Variants in PPME1 observed in about 807,000 individuals in gnomAD.
PPME1 encodes protein phosphatase methylesterase 1.
In PPME1, 17 loss-of-function variants were observed where a neutral mutation model predicts 56.9. The ratio of observed to expected loss-of-function variants is 0.30; its 90% CI spans 0.20 to 0.45. The LOEUF is 0.45. PPME1 is among the 20% of genes least tolerant of loss of function. PPME1 has a pLI of 1.00. For synonymous variants in PPME1, 122 were observed against 156.2 expected (o/e 0.78, Z 1.63); for missense variants, 357 against 483.2 (o/e 0.74, Z 2.45).
At position 74,240,129 on chromosome 11, in the gene PPME1, T is replaced by C. The variant is rs200509353; in HGVS notation, c.834+873T>C. Among the ~76,000 whole-genome samples the C allele has an allele frequency of 2.0e-5, 3 of 152,234 alleles. No individual in the cohort carries two copies. In the East Asian group the frequency reaches 5.8e-4, roughly 29 times the overall value. ...GGGGAAGCTTTCTGACCTCAATTAG[T>C]ATCACTGTCTTTCCAACACAGCACT... On this transcript the variant is annotated intron_variant, in intron 9 of 13. Coordinates refer to ENST00000328257, the MANE Select transcript of PPME1 (RefSeq NM_016147.3).
chr11:74,203,087 T>TATTAG (rs1015649153), intron 1 of PPME1, among the ~76,000 whole-genome samples: 1 of 152,226 alleles, frequency 6.6e-6, no homozygotes, highest in Non-Finnish European at 1.5e-5. Context: ...TATTGATGGA[T>TATTAG]ATTAGATTTT....
At position 74,171,417 on chromosome 11, in the gene PPME1, C is replaced by T; in HGVS notation, c.-5C>T. The T allele has an allele frequency of 6.2e-7, 1 of 1,609,716 alleles. No individual in the cohort carries two copies. The stretch of plus-strand genomic sequence containing the variant: ...GTTTGACTACGTGCGTGCAGCCTCC[C>T]CTCGATGTCGGCCCTCGAAAAGAGC... On this transcript the variant is annotated 5_prime_UTR_variant, in exon 1 of 14. Transcript: ENST00000328257.
rs1457981867 is a variant in PPME1 at position 74,200,420 on chromosome 11, C to CA, written c.102-3307dup. ...GTGTGTGGACGAAGTCTCGCTCTGT[C>CA]ACCCAGGCTGGAGGGCAGTGGCACG... On this transcript the variant is annotated intron_variant, in intron 1 of 13. Coordinates refer to ENST00000328257, the MANE Select transcript of PPME1 (RefSeq NM_016147.3). Among the ~76,000 whole-genome samples, 8 of 151,948 alleles carry CA rather than the reference C, an allele frequency of 5.3e-5. No homozygotes were observed. In the East Asian group the frequency reaches 1.6e-3, roughly 29 times the overall value.
chr11:74,212,539 C>T (rs550071393), intron 3 of PPME1, among the ~76,000 whole-genome samples: 211 of 152,244 alleles, frequency 1.4e-3, no homozygotes, highest in African/African-American at 4.7e-3. Context: ...GGAGTGCTTA[C>T]GCCACCTCTC....
At chr11:74,200,530 G>A (rs1318576239) in intron 1 of PPME1, among the ~76,000 whole-genome samples, 1 of 151,950 alleles carries the variant, frequency 6.6e-6, no homozygotes, top group African/African-American at 2.4e-5. Context: ...CTACAGGTGC[G>A]TGCCACCATG....
intron 1 of PPME1, among the ~76,000 whole-genome samples, chr11:74,195,167 G>A (rs1234710478): frequency 6.6e-6 from 1 of 152,194 alleles, no homozygotes; most frequent in Non-Finnish European, 1.5e-5. Flanking sequence ...AAATTCTCAT[G>A]TGTCCGTCAC....
chr11:74,177,275 A>G (rs1159872178), intron 1 of PPME1, among the ~76,000 whole-genome samples: 1 of 152,116 alleles, frequency 6.6e-6, no homozygotes, highest in East Asian at 1.9e-4. Context: ...AGCCTGGACA[A>G]CATGGTGAAA....
intron 9 of PPME1, among the ~76,000 whole-genome samples, chr11:74,243,751 A>ATCTTTT (rs138087332): frequency 2.0e-5 from 3 of 151,286 alleles, no homozygotes; most frequent in South Asian, 2.1e-4. Context: ...CCATCTGGCG[A>ATCTTTT]TCTTTTTCTT....
At chr11:74,211,107 T>C (rs1474817186) in intron 3 of PPME1, among the ~76,000 whole-genome samples, 1 of 152,168 alleles carries the variant, frequency 6.6e-6, no homozygotes, top group Non-Finnish European at 1.5e-5. Context: ...CAACAAAATG[T>C]AAAATACGTG....
chr11:74,214,688 G>GAAA (rs532768564), intron 3 of PPME1, among the ~76,000 whole-genome samples: 1 of 139,732 alleles, frequency 7.2e-6, no homozygotes, highest in African/African-American at 2.5e-5. Flanking sequence ...ATGCTGAAGG[G>GAAA]AAAAAAAAAA....
chr11:74,233,075 G>A (rs919420387), intron 7 of PPME1, among the ~76,000 whole-genome samples: 1 of 151,750 alleles, frequency 6.6e-6, no homozygotes, highest in Non-Finnish European at 1.5e-5. Flanking sequence ...GTCAGTACCT[G>A]ATCTAAGAAC....
intron 3 of PPME1, among the ~76,000 whole-genome samples, chr11:74,218,726 C>T (rs113167677): frequency 0.018 from 2,697 of 152,286 alleles, 76 homozygotes; most frequent in African/African-American, 0.062. Context: ...AAACCCCTAT[C>T]TCTTGCCATA....
intron 1 of PPME1, among the ~76,000 whole-genome samples, chr11:74,183,586 A>G (rs1177556549): frequency 6.6e-6 from 1 of 152,140 alleles, no homozygotes; most frequent in African/African-American, 2.4e-5. Flanking sequence ...CTTCTATAGA[A>G]AAATAGAATG....
At chr11:74,222,238 C>A in intron 3 of PPME1, 74 bp from the exon 4 acceptor site, 1 of 1,189,712 alleles carries the variant, frequency 8.4e-7, no homozygotes, top group Non-Finnish European at 1.2e-6. Context: ...GTTCATTTTA[C>A]AAAGTTATCA....
chr11:74,176,768 C>T (rs1489037688), intron 1 of PPME1, among the ~76,000 whole-genome samples: 5 of 145,938 alleles, frequency 3.4e-5, no homozygotes, highest in Admixed American at 6.9e-5. Flanking sequence ...GCTCTGTCAC[C>T]GAGGCCGGAT....
In PPME1 at chr11:74,251,455, C is replaced by T. The variant is rs531536396; in HGVS notation, c.1075-193C>T. The T allele has an allele frequency of 4.1e-4, 589 of 1,422,644 alleles. 7 individuals are homozygous for T. In the South Asian group the frequency reaches 8.8e-3, roughly 21 times the overall value. The allele number at this position is 1,422,644 out of a possible 1,614,324, so 88.1% of individuals were successfully genotyped here. A position where few individuals can be genotyped will look rare whatever the true frequency, so the allele number is the denominator to read the frequency against. ...TCCTCTTGAGCTCTATGGAGCTATC[C>T]CTGGCAAGGATAGTGGGGAGGAGTC... is the stretch of plus-strand genomic sequence containing the variant. On this transcript the variant is annotated intron_variant, in intron 12 of 13. Transcript: ENST00000328257.
intron 4 of PPME1, among the ~76,000 whole-genome samples, chr11:74,223,178 T>A (rs2135650630): frequency 1.3e-5 from 2 of 149,882 alleles, no homozygotes; most frequent in Middle Eastern, 7.0e-3. Flanking sequence ...CACCTATGAG[T>A]GAGAATATGC....
intron 1 of PPME1, among the ~76,000 whole-genome samples, chr11:74,184,867 C>G (rs999578684): frequency 2.0e-5 from 3 of 151,884 alleles, no homozygotes; most frequent in Admixed American, 2.0e-4. Context: ...GCAGGATGTA[C>G]TCAAAATGTC....
intron 11 of PPME1, chr11:74,248,695 G>C (rs558152003): frequency 1.3e-5 from 2 of 152,218 alleles, no homozygotes; most frequent in Non-Finnish European, 1.5e-5. Context: ...TTACCAACAT[G>C]AGTGCCATGA....
Sources: allele counts gnomAD v4.1 joint callset (sites outside exome capture counted in the v4.1 genomes callset), GRCh38; gene constraint gnomAD v4.1.1; transcripts MANE v1.5; gene names NCBI Gene and HGNC (gene_info 2026-07-23, HGNC 2026-07-21).